Variants in DPP6 observed in about 807,000 individuals in gnomAD.
DPP6 encodes dipeptidyl peptidase like 6.
A neutral mutation model predicts 122.6 loss-of-function variants in DPP6; 69 were observed. That is an observed-to-expected ratio of 0.56 (90% confidence interval 0.46 to 0.69). The LOEUF is 0.69. DPP6 is among the 30% of genes least tolerant of loss of function. DPP6 has a pLI of 0.00. For synonymous variants in DPP6, 418 were observed against 433.1 expected (o/e 0.97, Z 0.43); for missense variants, 928 against 1,116.9 (o/e 0.83, Z 2.41).
intron 10 of DPP6, among the ~76,000 whole-genome samples, chr7:154,775,380 G>A (rs1796499917): frequency 6.6e-6 from 1 of 152,074 alleles, no homozygotes. Flanking sequence ...CCTTGTATGT[G>A]GACAACTCTC....
chr7:154,063,674 T>G (rs1304687320), intron 1 of DPP6, among the ~76,000 whole-genome samples: 2 of 138,352 alleles, frequency 1.4e-5, no homozygotes, highest in African/African-American at 5.5e-5. Flanking sequence ...AGGACCCCCA[T>G]CCCAGCGGGG....
intron 3 of DPP6, among the ~76,000 whole-genome samples, chr7:154,487,206 TA>T (rs1823873983): frequency 6.6e-6 from 1 of 152,190 alleles, no homozygotes; most frequent in Non-Finnish European, 1.5e-5. Flanking sequence ...TATACGTACA[TA>T]TTTTTTTCTC....
chr7:154,541,254 C>G (rs1828701278), intron 4 of DPP6, among the ~76,000 whole-genome samples: 1 of 152,184 alleles, frequency 6.6e-6, no homozygotes, highest in South Asian at 2.1e-4. Flanking sequence ...CCTCAGCCTC[C>G]TGAGTAGCTG....
upstream of DPP6, among the ~76,000 whole-genome samples, chr7:153,886,110 CTT>C (rs1491187479): frequency 2.7e-4 from 34 of 126,388 alleles, no homozygotes; most frequent in East Asian, 5.5e-3. Flanking sequence ...CTGGCACGCC[CTT>C]ACACACACAC....
intron 1 of DPP6, chr7:154,305,060 GCCCCAGCCCCAGCCCCAGCCC>G (rs1806192539): frequency 2.3e-5 from 2 of 85,172 alleles, no homozygotes; most frequent in Admixed American, 2.5e-4. Context: ...CCCAGCCCCA[GCCCCAGCCCCAGCCCCAGCCC>G]CAGCCCGGCT....
At chr7:154,727,041 C>G (rs1381515484) in intron 7 of DPP6, among the ~76,000 whole-genome samples, 1 of 152,194 alleles carries the variant, frequency 6.6e-6, no homozygotes, top group Non-Finnish European at 1.5e-5. Context: ...TGCCTATTAC[C>G]AAGTTCCAGA....
In DPP6 at chr7:154,561,710, C is replaced by A. The variant is rs139665251; in HGVS notation, c.553-5132C>A. Among the ~76,000 whole-genome samples, 287 of 151,986 alleles carry A rather than the reference C, an allele frequency of 1.9e-3. 1 individual carries two copies. The highest frequency in any genetic ancestry group is 6.8e-3 in the Middle Eastern group (2 of 294). The stretch of plus-strand genomic sequence containing the variant: ...TAGTTAGGAGCAGAAATCAACTACA[C>A]AGAAAACAGAAAAATGTTAGAAAAA... On this transcript the variant is annotated intron_variant, in intron 4 of 25. Coordinates refer to ENST00000377770, the MANE Select transcript of DPP6 (RefSeq NM_130797.4).
chr7:154,514,202 G>C (rs1420276503), intron 3 of DPP6, among the ~76,000 whole-genome samples: 1 of 152,036 alleles, frequency 6.6e-6, no homozygotes, highest in African/African-American at 2.4e-5. Context: ...CTTGAACCCG[G>C]GAGGCAGAGG....
chr7:153,976,903 G>T (rs539562727), intron 1 of DPP6, among the ~76,000 whole-genome samples: 37 of 152,324 alleles, frequency 2.4e-4, no homozygotes, highest in African/African-American at 8.2e-4. Flanking sequence ...TCCACCAGGA[G>T]AGCTCAGCCT....
chr7:154,308,261 A>G (rs1318548750), intron 1 of DPP6, among the ~76,000 whole-genome samples: 1 of 151,916 alleles, frequency 6.6e-6, no homozygotes, highest in East Asian at 1.9e-4. Flanking sequence ...ATTAGAAAAA[A>G]AAAAGATTTT....
At chr7:154,194,715 G>C (rs373387512) in intron 1 of DPP6, among the ~76,000 whole-genome samples, 27 of 152,302 alleles carry the variant, frequency 1.8e-4, no homozygotes, top group African/African-American at 6.5e-4. Context: ...GTTCGCACTT[G>C]CCTAGTGAGA....
the DPP6 span, among the ~76,000 whole-genome samples, chr7:153,780,508 G>C: frequency 3.3e-5 from 5 of 152,196 alleles, no homozygotes; most frequent in African/African-American, 1.2e-4. Flanking sequence ...CACATACTTG[G>C]CATTTATTTA....
chr7:153,956,446 G>A (rs1426183996), intron 1 of DPP6, among the ~76,000 whole-genome samples: 1 of 152,176 alleles, frequency 6.6e-6, no homozygotes, highest in African/African-American at 2.4e-5. Flanking sequence ...TAGCATCTCG[G>A]CTTACAGAGC....
At chr7:154,807,201 G>A (rs115951798) in intron 16 of DPP6, 89 bp downstream of exon 16, 31 of 1,519,046 alleles carry the variant, frequency 2.0e-5, no homozygotes, top group Non-Finnish European at 2.5e-5. Flanking sequence ...AGGGGGCAGC[G>A]GCTGTGGTGG....
chr7:154,703,039 C>G (rs1261412222), intron 7 of DPP6, among the ~76,000 whole-genome samples: 4 of 152,176 alleles, frequency 2.6e-5, no homozygotes, highest in African/African-American at 7.2e-5. Flanking sequence ...GATGTTAAGT[C>G]TACTCCGCCT....
the DPP6 span, among the ~76,000 whole-genome samples, chr7:153,874,097 G>T: frequency 2.6e-5 from 4 of 152,192 alleles, no homozygotes; most frequent in Admixed American, 6.5e-5. Flanking sequence ...AGAAGCAAAA[G>T]TGAATCCACT....
Position 154,801,372 on chromosome 7 carries a change from C to A in DPP6, c.1317C>A (p.Phe439Leu). The A allele has an allele frequency of 1.3e-6, 2 of 1,590,320 alleles. No homozygotes were observed. The highest frequency in any genetic ancestry group is 1.8e-5 in the Admixed American group (1 of 57,114). ...GTCCACAGAATGAAGAACCTGTGTT[C>A]TCCAAGGATGGCCGAAAGTTTTTCT... Reference protein sequence around the residue: ...WLHRQNEEPVFSKDGRKFFFI... With the variant: ...WLHRQNEEPVLSKDGRKFFFI... The change falls in exon 13 of 26, where the codon TTC becomes TTA. Residue 439 changes from phenylalanine (F) to leucine (L), a missense_variant. Physicochemically the swap from Phe to Leu is conservative, Grantham distance 22. Coordinates refer to ENST00000377770, the MANE Select transcript of DPP6 (RefSeq NM_130797.4).
chr7:154,193,362 T>G, intron 1 of DPP6, among the ~76,000 whole-genome samples: 1 of 152,268 alleles, frequency 6.6e-6, no homozygotes, highest in East Asian at 1.9e-4. Context: ...TCAGATGATC[T>G]TATACTCATA....
chr7:154,866,412 G>T (rs4960630), intron 17 of DPP6, among the ~76,000 whole-genome samples: 16,608 of 152,238 alleles, frequency 0.11, 2,025 homozygotes, highest in African/African-American at 0.3. Flanking sequence ...GCTGGCGCAG[G>T]GGCATGCAGG....
Sources: allele counts gnomAD v4.1 joint callset (sites outside exome capture counted in the v4.1 genomes callset), GRCh38; gene constraint gnomAD v4.1.1; transcripts MANE v1.5; gene names NCBI Gene and HGNC (gene_info 2026-07-23, HGNC 2026-07-21).